SEMA6D: variants seen among roughly 807,000 people sequenced by gnomAD.
The protein encoded by SEMA6D is semaphorin 6D.
SEMA6D carries 35 observed loss-of-function variants against 106.6 expected under a neutral mutation model. The observed-to-expected ratio is 0.33, with a 90% CI of 0.25 to 0.44. SEMA6D has a LOEUF of 0.44. SEMA6D is among the 20% of genes least tolerant of loss of function. The pLI is 1.00. For synonymous variants in SEMA6D, 499 were observed against 487.7 expected, an observed-to-expected ratio of 1.02 and a Z score of -0.31; for missense variants, 1,185 against 1,345.9, an observed-to-expected ratio of 0.88 and a Z score of 1.87.
intron 1 of SEMA6D, among the ~76,000 whole-genome samples, chr15:47,190,950 G>A (rs138673929): frequency 1.3e-5 from 2 of 152,226 alleles, no homozygotes; most frequent in East Asian, 1.9e-4. Context: ...TGAGAGGACT[G>A]TTTGAGCCCA....
At chr15:47,750,878 G>T (rs1476833920) in intron 1 of SEMA6D, among the ~76,000 whole-genome samples, 2 of 152,134 alleles carry the variant, frequency 1.3e-5, no homozygotes, top group Non-Finnish European at 2.9e-5. Flanking sequence ...CATGCATGTG[G>T]TGGAGGGTGG....
At chr15:47,490,538 G>A (rs574356085) in intron 3 of SEMA6D, among the ~76,000 whole-genome samples, 7 of 152,188 alleles carry the variant, frequency 4.6e-5, no homozygotes, top group South Asian at 2.1e-4. Context: ...CCAGCTACTC[G>A]GGAGACTGAG....
At chr15:47,199,891 A>T (rs1894606992) in intron 1 of SEMA6D, among the ~76,000 whole-genome samples, 1 of 152,184 alleles carries the variant, frequency 6.6e-6, no homozygotes, top group Non-Finnish European at 1.5e-5. Context: ...TTAGCTAGTT[A>T]CATACGTTAT....
At position 47,434,265 on chromosome 15, in the gene SEMA6D, C is replaced by T. The variant is rs57128532; in HGVS notation, c.-159+21793C>T. Among the ~76,000 whole-genome samples the T allele has an allele frequency of 2.0e-3, 300 of 152,112 alleles. 2 individuals are homozygous for T. The highest frequency in any genetic ancestry group is 4.1e-3 in the Admixed American group (62 of 15,264). ...AGCCTGGTGATAAATACTGAAAAAA[C>T]GGACAGAAATGAGCAGGAAGGAAGC... On this transcript the variant is annotated intron_variant, in intron 2 of 19. Transcript: ENST00000558014.
intron 1 of SEMA6D, among the ~76,000 whole-genome samples, chr15:47,218,598 C>T (rs2030887750): frequency 6.6e-6 from 1 of 152,158 alleles, no homozygotes; most frequent in Admixed American, 6.6e-5. Flanking sequence ...CTTTTCACTG[C>T]CTTCAAAGGG....
chr15:47,751,005 C>T (rs2081401266), intron 1 of SEMA6D, among the ~76,000 whole-genome samples: 1 of 152,168 alleles, frequency 6.6e-6, no homozygotes, highest in African/African-American at 2.4e-5. Context: ...CAGAAGGGCC[C>T]AGAGTAGCCT....
At chr15:47,318,844 C>G (rs529665448) in intron 1 of SEMA6D, among the ~76,000 whole-genome samples, 10 of 149,740 alleles carry the variant, frequency 6.7e-5, no homozygotes, top group Non-Finnish European at 1.2e-4. Flanking sequence ...AATCGCCACA[C>G]TGACTTCCAC....
intron 3 of SEMA6D, among the ~76,000 whole-genome samples, chr15:47,492,897 G>C (rs1241076837): frequency 6.6e-6 from 1 of 152,078 alleles, no homozygotes; most frequent in Non-Finnish European, 1.5e-5. Context: ...ATATTGTCAA[G>C]TAAGACTCTT....
At chr15:47,609,958 T>A (rs1276917188) in intron 4 of SEMA6D, among the ~76,000 whole-genome samples, 1 of 152,230 alleles carries the variant, frequency 6.6e-6, no homozygotes, top group East Asian at 1.9e-4. Context: ...TTCTGCCTAA[T>A]GACCCTGTCT....
intron 3 of SEMA6D, among the ~76,000 whole-genome samples, chr15:47,473,788 C>T (rs367936821): frequency 2.6e-5 from 4 of 152,116 alleles, no homozygotes; most frequent in African/African-American, 9.7e-5. Context: ...CTACACTGCT[C>T]GAAACTCATC....
chr15:47,294,458 G>A (rs2035725965), intron 1 of SEMA6D, among the ~76,000 whole-genome samples: 1 of 152,120 alleles, frequency 6.6e-6, no homozygotes, highest in Non-Finnish European at 1.5e-5. Flanking sequence ...TCCTGACCTT[G>A]TGCTTTGCCC....
chr15:47,251,228 T>C (rs559806504), intron 1 of SEMA6D, among the ~76,000 whole-genome samples: 1 of 152,354 alleles, frequency 6.6e-6, no homozygotes, highest in South Asian at 2.1e-4. Context: ...ATTGTAGGCA[T>C]CCTTTCTATG....
intron 4 of SEMA6D, among the ~76,000 whole-genome samples, chr15:47,656,650 A>G (rs951461642): frequency 1.2e-4 from 19 of 152,216 alleles, no homozygotes; most frequent in African/African-American, 4.1e-4. Context: ...GGAAGCCTTC[A>G]AACTTGTTTG....
intron 1 of SEMA6D, among the ~76,000 whole-genome samples, chr15:47,296,016 C>T (rs79652374): frequency 1.0e-3 from 158 of 152,296 alleles, no homozygotes; most frequent in African/African-American, 3.7e-3. Flanking sequence ...TGGGTACATT[C>T]ACAGAATCTC....
chr15:47,362,232 T>C (rs1158371195), intron 1 of SEMA6D, among the ~76,000 whole-genome samples: 2 of 152,034 alleles, frequency 1.3e-5, no homozygotes, highest in Non-Finnish European at 2.9e-5. Context: ...TGGAAATCAT[T>C]ATGGGGAAAC....
At chr15:47,672,080 C>T (rs2078148103) in intron 4 of SEMA6D, among the ~76,000 whole-genome samples, 1 of 152,144 alleles carries the variant, frequency 6.6e-6, no homozygotes. Flanking sequence ...ATTATTATCA[C>T]ATATAATTCT....
At chr15:47,296,658 A>T (rs796445176) in intron 1 of SEMA6D, among the ~76,000 whole-genome samples, 1 of 152,220 alleles carries the variant, frequency 6.6e-6, no homozygotes, top group Non-Finnish European at 1.5e-5. Flanking sequence ...GAAAGATGGG[A>T]TATAATCTGG....
At chr15:47,485,977 T>C (rs952519669) in intron 3 of SEMA6D, among the ~76,000 whole-genome samples, 1 of 152,120 alleles carries the variant, frequency 6.6e-6, no homozygotes, top group African/African-American at 2.4e-5. Context: ...AGAAAACCAC[T>C]CCGTAGTAAA....
At chr15:47,408,819 G>A (rs572825323) in intron 1 of SEMA6D, among the ~76,000 whole-genome samples, 17 of 152,326 alleles carry the variant, frequency 1.1e-4, no homozygotes, top group Non-Finnish European at 2.4e-4. Flanking sequence ...AGGGCAGCTC[G>A]AAGGAAGCAT....
Sources: gnomAD v4.1 joint callset for allele counts (sites outside exome capture counted in the v4.1 genomes callset) on GRCh38, gnomAD v4.1.1 for gene constraint, MANE v1.5 for transcripts, NCBI Gene and HGNC (gene_info 2026-07-23, HGNC 2026-07-21) for gene names.